The following NSUN4 variants were observed in gnomAD, a reference collection of about 807,000 sequenced individuals.
NSUN4 encodes the protein NOP2/Sun RNA methyltransferase 4.
A neutral mutation model predicts 43.8 loss-of-function variants in NSUN4; 31 were observed. The ratio of observed to expected loss-of-function variants is 0.71; its 90% CI spans 0.53 to 0.96. The LOEUF is 0.96. Ranked by LOEUF, NSUN4 falls within the 40% of genes least tolerant of loss-of-function variation. NSUN4 has a pLI of 0.00. For synonymous variants in NSUN4, 167 were observed against 184.1 expected, an observed-to-expected ratio of 0.91 and a Z score of 0.75; for missense variants, 439 against 475.6, an observed-to-expected ratio of 0.92 and a Z score of 0.72.
At chr1:46,358,186 C>G (rs1234161978) in intron 4 of NSUN4, among the ~76,000 whole-genome samples, 1 of 152,124 alleles carries the variant, frequency 6.6e-6, no homozygotes, top group Non-Finnish European at 1.5e-5. Flanking sequence ...ACCTCCGCCT[C>G]CTGGGTTCAA....
At chr1:46,361,498 C>G (rs1663866897) in intron 5 of NSUN4, 72 bp from the exon 6 acceptor site, 2 of 1,420,222 alleles carry the variant, frequency 1.4e-6, no homozygotes, top group Non-Finnish European at 1.9e-6. Flanking sequence ...ATCCATGTTT[C>G]CAGCTCCTTA....
At chr1:46,353,495 A>T (rs1663152142) in intron 4 of NSUN4, among the ~76,000 whole-genome samples, 2 of 148,502 alleles carry the variant, frequency 1.3e-5, no homozygotes, top group South Asian at 4.2e-4. Context: ...TTTTTTTTTG[A>T]GACGGAGTTT....
At chr1:46,350,031 A>G (rs1662865155) in intron 3 of NSUN4, among the ~76,000 whole-genome samples, 1 of 152,352 alleles carries the variant, frequency 6.6e-6, no homozygotes, top group African/African-American at 2.4e-5. Context: ...CAGAATTTGT[A>G]TAAGAAGGGA....
At chr1:46,372,990 G>A in the NSUN4 span, among the ~76,000 whole-genome samples, 2 of 152,190 alleles carry the variant, frequency 1.3e-5, no homozygotes, top group Non-Finnish European at 2.9e-5. Flanking sequence ...CAAAGTGCTG[G>A]GATTACAGGT....
chr1:46,381,260 T>C, the NSUN4 span, among the ~76,000 whole-genome samples: 1 of 152,224 alleles, frequency 6.6e-6, no homozygotes, highest in Non-Finnish European at 1.5e-5. Context: ...ATTTTTGGTC[T>C]ACTATTCGTT....
intron 3 of NSUN4, among the ~76,000 whole-genome samples, chr1:46,349,188 G>A (rs1662788447): frequency 6.8e-6 from 1 of 147,332 alleles, no homozygotes; most frequent in Non-Finnish European, 1.5e-5. Context: ...CACCCAGGCT[G>A]GAGTGCAGTG....
In NSUN4 at chr1:46,344,855, A is replaced by G; in HGVS notation, c.148A>G (p.Met50Val). Residue 50 changes from methionine (M) to valine (V), a missense_variant, in exon 2 of 6, where the codon ATG becomes GTG. Coordinates refer to ENST00000474844, the MANE Select transcript of NSUN4 (RefSeq NM_199044.4). Reference protein sequence around the residue: ...AVRLALQNFDMTYSVQFGDLW... With the variant: ...AVRLALQNFDVTYSVQFGDLW... Reference sequence around the variant, plus strand: ...TCGACTGGCTTTGCAGAATTTTGACATGACTTACAGTGTGCAGTTTGGAGA... The same window carrying G: ...TCGACTGGCTTTGCAGAATTTTGACGTGACTTACAGTGTGCAGTTTGGAGA... The G allele has an allele frequency of 1.2e-6, 2 of 1,614,202 alleles. No homozygotes were observed. The highest frequency in any genetic ancestry group is 1.7e-6 in the Non-Finnish European group (2 of 1,180,034).
chr1:46,351,907 G>T (rs532921623), intron 3 of NSUN4, among the ~76,000 whole-genome samples: 1 of 151,148 alleles, frequency 6.6e-6, no homozygotes, highest in Non-Finnish European at 1.5e-5. Context: ...CTTGTGATCC[G>T]CCTGCCTTGT....
At chr1:46,353,166 G>T (rs779374141) in intron 4 of NSUN4, 138 bp downstream of exon 4, 30 of 662,352 alleles carry the variant, frequency 4.5e-5, no homozygotes, top group Non-Finnish European at 7.5e-5. Context: ...TTCTACATTG[G>T]TGATTTGACC....
chr1:46,342,039 C>T (rs41293281), intron 1 of NSUN4: 106,802 of 1,021,220 alleles, frequency 0.1, 6,947 homozygotes, highest in East Asian at 0.32. Flanking sequence ...GATTTCGCCT[C>T]CTCCTACACA....
At chr1:46,377,782 C>T in the NSUN4 span, among the ~76,000 whole-genome samples, 11 of 152,198 alleles carry the variant, frequency 7.2e-5, no homozygotes, top group South Asian at 2.1e-4. Flanking sequence ...TTAATTCCCA[C>T]GGCAACCAAT....
downstream of NSUN4, among the ~76,000 whole-genome samples, chr1:46,365,629 A>C (rs1352410197): frequency 6.6e-6 from 1 of 152,168 alleles, no homozygotes; most frequent in Non-Finnish European, 1.5e-5. Context: ...GGTGTGAACC[A>C]CTGTGCCCAG....
Position 46,341,990 on chromosome 1 carries a change from C to T in NSUN4, c.93+1071C>T, listed in dbSNP as rs1569730377. The T allele has an allele frequency of 1.1e-5, 14 of 1,222,662 alleles. No homozygotes were observed. The East Asian group carries it at 4.1e-4, about 36-fold the overall frequency. The allele number at this position is 1,222,662 out of a possible 1,614,324, so 75.7% of individuals were successfully genotyped here. A position where few individuals can be genotyped will look rare whatever the true frequency, so the allele number is the denominator to read the frequency against. ...CCCCGGGAACGAGCCCAGTGACCTC[C>T]CCTCAGCTCACTCATGTACCCTTGG... On this transcript the variant is annotated intron_variant, in intron 1 of 5. Transcript: ENST00000474844.
chr1:46,358,285 A>G (rs1390262634), intron 4 of NSUN4, among the ~76,000 whole-genome samples: 2 of 151,126 alleles, frequency 1.3e-5, no homozygotes, highest in Non-Finnish European at 1.5e-5. Flanking sequence ...TAGTAGAGAC[A>G]GGGTTTCGCC....
At chr1:46,343,077 A>G in intron 1 of NSUN4, 1 of 399,488 alleles carries the variant, frequency 2.5e-6, no homozygotes, top group Non-Finnish European at 4.4e-6. Context: ...TGCTCAGAGC[A>G]GCCGCCATGG....
intron 3 of NSUN4, among the ~76,000 whole-genome samples, chr1:46,350,526 A>G (rs1207252144): frequency 6.6e-6 from 1 of 152,210 alleles, no homozygotes; most frequent in Non-Finnish European, 1.5e-5. Context: ...AGTGTCATTT[A>G]TCATCAAGCT....
At chr1:46,383,364 A>G in the NSUN4 span, among the ~76,000 whole-genome samples, 1 of 151,638 alleles carries the variant, frequency 6.6e-6, no homozygotes, top group Non-Finnish European at 1.5e-5. Flanking sequence ...CTGGTTCTCC[A>G]GGAAAGATAC....
In NSUN4 at chr1:46,364,130, C is replaced by T. The variant is rs1459662749; in HGVS notation, c.*2284C>T. ...ATCAGCTTGGACAATGTAGTGAGAC[C>T]TGGTCTTTACCAAAAAAAAAAAAAA... On this transcript the variant is annotated 3_prime_UTR_variant, in exon 6 of 6. Coordinates refer to ENST00000474844, the MANE Select transcript of NSUN4 (RefSeq NM_199044.4). 1 of 136,612 alleles carries T rather than the reference C, an allele frequency of 7.3e-6. No individual in the cohort carries two copies. The highest frequency in any genetic ancestry group is 2.8e-5 in the African/African-American group (1 of 36,108). The allele number at this position is 136,612 out of a possible 1,614,324, so 8.5% of individuals were successfully genotyped here.
At chr1:46,366,412 G>A (rs116671723), downstream of NSUN4, among the ~76,000 whole-genome samples, 2,168 of 152,174 alleles carry the variant, frequency 0.014, 30 homozygotes, top group Non-Finnish European at 0.025. Flanking sequence ...TTTATGTTTG[G>A]TGCTTATTGA....
Sources: gnomAD v4.1 joint callset for allele counts (sites outside exome capture counted in the v4.1 genomes callset) on GRCh38, gnomAD v4.1.1 for gene constraint, MANE v1.5 for transcripts, NCBI Gene and HGNC (gene_info 2026-07-23, HGNC 2026-07-21) for gene names.